Variants in ADARB1 observed in about 807,000 individuals in gnomAD.
The protein encoded by ADARB1 is adenosine deaminase RNA specific B1, also known as double-stranded RNA-specific editase 1.
Under a neutral mutation model 52.4 loss-of-function variants are expected in ADARB1, and 10 were observed. That is an observed-to-expected ratio of 0.19 (90% CI 0.12 to 0.32). ADARB1 has a LOEUF of 0.32. Ranked by LOEUF, ADARB1 falls within the 10% of genes least tolerant of loss-of-function variation. The pLI is 1.00. For missense variants in ADARB1, 643 were observed against 922.3 expected, an observed-to-expected ratio of 0.70 and a Z score of 3.92; for synonymous variants, 349 against 371.1, an observed-to-expected ratio of 0.94 and a Z score of 0.68.
At chr21:45,084,196 G>GGAA (rs1291227133) in intron 1 of ADARB1, among the ~76,000 whole-genome samples, 2 of 152,182 alleles carry the variant, frequency 1.3e-5, no homozygotes, top group African/African-American at 4.8e-5. Flanking sequence ...CTCCATTTCT[G>GGAA]GAAGACTATT....
At chr21:45,161,649 C>T (rs941025503) in intron 2 of ADARB1, among the ~76,000 whole-genome samples, 3 of 152,126 alleles carry the variant, frequency 2.0e-5, no homozygotes, top group Non-Finnish European at 2.9e-5. Context: ...TAATGGTGGC[C>T]GGAGGCAGAC....
intron 2 of ADARB1, among the ~76,000 whole-genome samples, chr21:45,136,548 A>G (rs1400650892): frequency 1.3e-5 from 2 of 152,230 alleles, no homozygotes; most frequent in East Asian, 3.8e-4. Flanking sequence ...CATTCCTTTA[A>G]CAACAAACAT....
chr21:45,162,034 G>C (rs2090998863), intron 2 of ADARB1, among the ~76,000 whole-genome samples: 1 of 152,180 alleles, frequency 6.6e-6, no homozygotes, highest in African/African-American at 2.4e-5. Context: ...CTGCTGAATG[G>C]CAGGTCTGAA....
chr21:45,168,875 T>C (rs546208473), intron 2 of ADARB1, among the ~76,000 whole-genome samples: 2 of 152,348 alleles, frequency 1.3e-5, no homozygotes, highest in South Asian at 4.1e-4. Context: ...ATGTGACAAG[T>C]GATTTTTTAT....
At chr21:45,161,142 C>A (rs997639331) in intron 2 of ADARB1, among the ~76,000 whole-genome samples, 1 of 152,118 alleles carries the variant, frequency 6.6e-6, no homozygotes, top group Non-Finnish European at 1.5e-5. Flanking sequence ...TTGCTGCTGC[C>A]GTGGTGTCAG....
intron 4 of ADARB1, among the ~76,000 whole-genome samples, chr21:45,180,084 A>T (rs1310206869): frequency 1.3e-5 from 2 of 152,210 alleles, no homozygotes; most frequent in Non-Finnish European, 2.9e-5. Context: ...CCCACACTCC[A>T]CACTGGCCCC....
chr21:45,182,960 C>T (rs1307438908), intron 6 of ADARB1, among the ~76,000 whole-genome samples: 1 of 152,184 alleles, frequency 6.6e-6, no homozygotes, highest in East Asian at 1.9e-4. Context: ...ATAACATGGT[C>T]ATAAATTTCA....
intron 2 of ADARB1, among the ~76,000 whole-genome samples, chr21:45,164,483 G>A (rs901416366): frequency 7.1e-6 from 1 of 140,662 alleles, no homozygotes; most frequent in East Asian, 2.3e-4. Context: ...GGAGAGGCAG[G>A]CCACAAACAG....
At chr21:45,102,847 C>T (rs958587730) in intron 1 of ADARB1, among the ~76,000 whole-genome samples, 7 of 152,212 alleles carry the variant, frequency 4.6e-5, no homozygotes, top group African/African-American at 1.7e-4. Flanking sequence ...ACAACCCTTA[C>T]CCCAAGGCAA....
chr21:45,193,915 A>G (rs1435991223), intron 8 of ADARB1, among the ~76,000 whole-genome samples: 4 of 152,234 alleles, frequency 2.6e-5, no homozygotes, highest in Non-Finnish European at 4.4e-5. Flanking sequence ...AGATTGATCT[A>G]TAGACTCAAT....
intron 8 of ADARB1, among the ~76,000 whole-genome samples, chr21:45,199,724 C>G (rs1262317929): frequency 6.6e-6 from 1 of 152,110 alleles, no homozygotes; most frequent in East Asian, 1.9e-4. Flanking sequence ...TTACTATAAC[C>G]CACATATTTG....
intron 2 of ADARB1, among the ~76,000 whole-genome samples, chr21:45,130,688 G>A (rs541564249): frequency 3.9e-4 from 60 of 152,274 alleles, no homozygotes; most frequent in African/African-American, 1.3e-3. Flanking sequence ...CCTCCCTCCC[G>A]GGTCCTGCCT....
At position 45,224,434 on chromosome 21, in the gene ADARB1, T is replaced by TA; in HGVS notation, c.*2238dup. On this transcript the variant is annotated 3_prime_UTR_variant, in exon 11 of 11. Transcript: ENST00000348831. ...CCTTGAGGACAGGCACAGGGCACCC[T>TA]ATCCCAAGCCGTCCAGGCAGGAGGA... 4 of 959,752 alleles carry TA rather than the reference T, an allele frequency of 4.2e-6. No homozygotes were observed. Among genetic ancestry groups the TA allele is most frequent in the Non-Finnish European group, 4.9e-6 (4 of 821,112 alleles). The allele number at this position is 959,752 out of a possible 1,614,324, so 59.5% of individuals were successfully genotyped here. A position where few individuals can be genotyped will look rare whatever the true frequency, so the allele number is the denominator to read the frequency against.
intron 1 of ADARB1, among the ~76,000 whole-genome samples, chr21:45,112,213 T>C (rs1399899723): frequency 6.6e-6 from 1 of 152,236 alleles, no homozygotes; most frequent in Non-Finnish European, 1.5e-5. Flanking sequence ...ACACCTCATG[T>C]CTTGCCTACA....
intron 1 of ADARB1, among the ~76,000 whole-genome samples, chr21:45,113,766 A>G (rs557295303): frequency 2.0e-5 from 3 of 152,158 alleles, no homozygotes; most frequent in Non-Finnish European, 4.4e-5. Context: ...AGCCCTTACA[A>G]TGAATGAACA....
chr21:45,193,741 T>G (rs2092358287), intron 8 of ADARB1, among the ~76,000 whole-genome samples: 1 of 152,238 alleles, frequency 6.6e-6, no homozygotes, highest in African/African-American at 2.4e-5. Context: ...TTTTTACACC[T>G]GCAACAAGCA....
rs372596136 is a variant in ADARB1 at position 45,142,101 on chromosome 21, G to A, written c.-48+13528G>A. Among the ~76,000 whole-genome samples, 1 of 152,328 alleles carries A rather than the reference G, an allele frequency of 6.6e-6. No individual in the cohort carries two copies. Among genetic ancestry groups the A allele is most frequent in the Admixed American group, 6.5e-5 (1 of 15,304 alleles). ...CACCTTGGCCACTCTGGGTCACCTTGTCTACCCCTGGGTTACCTGAGCCAC... is the reference window on the plus strand; with the variant it reads ...CACCTTGGCCACTCTGGGTCACCTTATCTACCCCTGGGTTACCTGAGCCAC... On this transcript the variant is annotated intron_variant, in intron 2 of 10. Transcript: ENST00000348831. The surrounding 1 kb of genome is among the most constrained non-coding windows in gnomAD (Gnocchi z 4.0).
At chr21:45,075,111 G>T (rs2085867136) in intron 1 of ADARB1, among the ~76,000 whole-genome samples, 1 of 151,384 alleles carries the variant, frequency 6.6e-6, no homozygotes, top group Non-Finnish European at 1.5e-5. Context: ...GCGCCGGGAC[G>T]AGGCTGCGCC....
chr21:45,140,345 GC>G (rs2145892200), intron 2 of ADARB1, among the ~76,000 whole-genome samples: 1 of 152,286 alleles, frequency 6.6e-6, no homozygotes, highest in African/African-American at 2.4e-5. Flanking sequence ...ACCCATCAGG[GC>G]CCAGGGCGAC....
Sources: gnomAD v4.1 joint callset for allele counts (sites outside exome capture counted in the v4.1 genomes callset) on GRCh38, gnomAD v4.1.1 for gene constraint, Gnocchi (gnomAD v3.1) non-coding constraint, MANE v1.5 for transcripts, NCBI Gene and HGNC (gene_info 2026-07-23, HGNC 2026-07-21) for gene names.